STXBP4: variants seen among roughly 807,000 people sequenced by gnomAD.
STXBP4 encodes syntaxin-binding protein 4.
STXBP4 carries 55 observed loss-of-function variants against 76.1 expected under a neutral mutation model. The ratio of observed to expected loss-of-function variants is 0.72; its 90% CI spans 0.58 to 0.91. The LOEUF (loss-of-function observed/expected upper bound fraction) is 0.91, where lower values mean the gene tolerates loss of function less well. Among genes scored for constraint, STXBP4 ranks in the 40% least tolerant of loss-of-function variants. The pLI, the probability that STXBP4 is intolerant of heterozygous loss-of-function variation, is 0.00. For missense variants in STXBP4, 618 were observed against 636.9 expected (o/e 0.97, Z 0.32); for synonymous variants, 201 against 220.2 (o/e 0.91, Z 0.77).
intron 3 of STXBP4, among the ~76,000 whole-genome samples, chr17:54,987,720 G>C (rs2077646877): frequency 6.6e-6 from 1 of 152,200 alleles, no homozygotes; most frequent in South Asian, 2.1e-4. Flanking sequence ...CTTTGGGATA[G>C]ATTCCTAGAA....
At chr17:55,041,457 A>G (rs563195540) in intron 10 of STXBP4, among the ~76,000 whole-genome samples, 6 of 152,196 alleles carry the variant, frequency 3.9e-5, no homozygotes, top group East Asian at 3.9e-4. Context: ...GACTCAAGCA[A>G]TCCTCCAGCC....
In STXBP4 at chr17:55,167,880, A is replaced by G. The variant is rs567054527; in HGVS notation, c.*7969A>G. 1.3e-5 allele frequency: 2 copies of G among 152,322 alleles called. No homozygotes were observed. The highest frequency in any genetic ancestry group is 3.9e-4 in the East Asian group (2 of 5,176). The allele number at this position is 152,322 out of a possible 1,614,324, so 9.4% of individuals were successfully genotyped here. ...CACGAGAAGAGACAACAGGAAGACA[A>G]AACAAATTGAGTAGATAATAAAGTT... On this transcript the variant is annotated 3_prime_UTR_variant, in exon 18 of 18. Transcript: ENST00000376352.
At chr17:55,052,851 G>A (rs1333424465) in intron 12 of STXBP4, among the ~76,000 whole-genome samples, 2 of 142,786 alleles carry the variant, frequency 1.4e-5, no homozygotes, top group South Asian at 2.2e-4. Flanking sequence ...ATGAAGAGAT[G>A]TCAGGCAAGC....
intron 16 of STXBP4, among the ~76,000 whole-genome samples, chr17:55,114,342 T>C (rs244360): frequency 0.64 from 96,922 of 151,940 alleles, 31,785 homozygotes; most frequent in African/African-American, 0.79. Context: ...TATGCCCTCA[T>C]ATTTAAGTCA....
rs139321609 is a variant in STXBP4 at position 55,150,976 on chromosome 17, A to G, written c.1548-8821A>G. Among the ~76,000 whole-genome samples, 702 of 152,262 alleles carry G rather than the reference A, an allele frequency of 4.6e-3. 1 individual carries two copies. Among genetic ancestry groups the G allele is most frequent in the Admixed American group, 8.4e-3 (129 of 15,278 alleles). ...GTAGAAGAGGGAGGCAGAAAAAGAGAGTCAGAAAGAGATATGACAGTGGAA... is the reference window on the plus strand; with the variant it reads ...GTAGAAGAGGGAGGCAGAAAAAGAGGGTCAGAAAGAGATATGACAGTGGAA... On this transcript the variant is annotated intron_variant, in intron 17 of 17. Coordinates refer to ENST00000376352, the MANE Select transcript of STXBP4 (RefSeq NM_178509.6).
At chr17:55,129,632 T>TA (rs1411652407) in intron 16 of STXBP4, among the ~76,000 whole-genome samples, 2 of 152,106 alleles carry the variant, frequency 1.3e-5, no homozygotes, top group African/African-American at 4.8e-5. Flanking sequence ...AATCCTAAAA[T>TA]TAGTTAAGTT....
intron 17 of STXBP4, among the ~76,000 whole-genome samples, chr17:55,147,211 A>G (rs1240212764): frequency 6.6e-6 from 1 of 152,170 alleles, no homozygotes; most frequent in Non-Finnish European, 1.5e-5. Context: ...TGTAGAAGAT[A>G]ATTTTTTCAT....
At chr17:54,991,957 CA>C (rs1173463943) in intron 4 of STXBP4, 1 of 152,086 alleles carries the variant, frequency 6.6e-6, no homozygotes, top group African/African-American at 2.4e-5. Context: ...CCCACCACTG[CA>C]AACACTTGTT....
chr17:54,997,277 A>G (rs2077818767), intron 4 of STXBP4, among the ~76,000 whole-genome samples: 1 of 152,110 alleles, frequency 6.6e-6, no homozygotes, highest in Non-Finnish European at 1.5e-5. Context: ...TGCTATGAAT[A>G]CTTTTTAGAA....
At chr17:54,969,285 G>C (rs962625342) in intron 1 of STXBP4, among the ~76,000 whole-genome samples, 11 of 152,218 alleles carry the variant, frequency 7.2e-5, no homozygotes, top group African/African-American at 2.7e-4. Context: ...GGCCATTTAA[G>C]GAGAGACTGA....
the STXBP4 span, among the ~76,000 whole-genome samples, chr17:55,185,174 TTTC>T: frequency 1.4e-5 from 2 of 146,886 alleles, no homozygotes; most frequent in African/African-American, 5.0e-5. Context: ...TGGCCACTAT[TTTC>T]TTCTTCTTCT....
At chr17:55,123,462 A>G (rs1319175851) in intron 16 of STXBP4, among the ~76,000 whole-genome samples, 2 of 152,182 alleles carry the variant, frequency 1.3e-5, no homozygotes, top group Non-Finnish European at 2.9e-5. Context: ...TTCTTGTTAT[A>G]TAGGTTTCTT....
intron 12 of STXBP4, among the ~76,000 whole-genome samples, chr17:55,057,714 G>T (rs866641393): frequency 1.3e-5 from 2 of 151,852 alleles, no homozygotes; most frequent in African/African-American, 2.4e-5. Context: ...TTGCTCCACC[G>T]CCCGACAGGC....
intron 16 of STXBP4, among the ~76,000 whole-genome samples, chr17:55,086,359 A>G (rs1454164356): frequency 6.6e-6 from 1 of 152,192 alleles, no homozygotes; most frequent in Non-Finnish European, 1.5e-5. Context: ...TAACTAGCAT[A>G]TCTATCATCT....
rs2080352965 is a variant in STXBP4, at chr17:55,163,220, T to TTG, written c.*3310_*3311insGT. ...AAATGTTCCTATAGATTTTCTGGGT[T>TTG]TTTTTTTTTTTTTTGTCCTTGGAAG... is the stretch of plus-strand genomic sequence containing the variant. On this transcript the variant is annotated 3_prime_UTR_variant, in exon 18 of 18. Coordinates refer to ENST00000376352, the MANE Select transcript of STXBP4 (RefSeq NM_178509.6). 1 of 139,404 alleles carries TTG rather than the reference T, an allele frequency of 7.2e-6. No homozygotes were observed. The highest frequency in any genetic ancestry group is 1.5e-5 in the Non-Finnish European group (1 of 66,938). 8.6% of individuals were successfully genotyped at this position (139,404 alleles called of 1,614,324 possible).
At chr17:55,048,659 A>T (rs957941775) in intron 12 of STXBP4, among the ~76,000 whole-genome samples, 1 of 151,912 alleles carries the variant, frequency 6.6e-6, no homozygotes, top group African/African-American at 2.4e-5. Flanking sequence ...GAGAGTTGAT[A>T]AAACTTAGGA....
the STXBP4 span, among the ~76,000 whole-genome samples, chr17:55,199,439 G>C: frequency 6.6e-6 from 1 of 152,306 alleles, no homozygotes; most frequent in Middle Eastern, 3.4e-3. Flanking sequence ...ATGCTTTCCT[G>C]ATGAGAAGCC....
rs531940952 is a variant in STXBP4 at position 55,020,580 on chromosome 17, G to A, written c.667-10588G>A. ...CACCTGTAATCTCAGCACTTTGGGA[G>A]GCCAAGGCAGGCGGATCACTTGAGG... On this transcript the variant is annotated intron_variant, in intron 8 of 17. Transcript: ENST00000376352. Among the ~76,000 whole-genome samples, 10 of 152,252 alleles carry A rather than the reference G, an allele frequency of 6.6e-5. No homozygotes were observed. The East Asian group carries it at 1.7e-3, about 26-fold the overall frequency.
chr17:55,141,294 T>G lies in STXBP4; in HGVS notation c.1490-16T>G. On this transcript the variant is annotated splice_polypyrimidine_tract_variant and intron_variant, in intron 16 of 17. Coordinates refer to ENST00000376352, the MANE Select transcript of STXBP4 (RefSeq NM_178509.6). ...ATCATCTTATTAAATATATTTTTGG[T>G]TTCCTTTCACTGTAGGTTTACCTTA... is the stretch of plus-strand genomic sequence containing the variant. 1 of 1,605,134 alleles carries G rather than the reference T, an allele frequency of 6.2e-7. No individual in the cohort carries two copies. Among genetic ancestry groups the G allele is most frequent in the African/African-American group, 1.3e-5 (1 of 74,640 alleles).
Sources: allele counts gnomAD v4.1 joint callset (sites outside exome capture counted in the v4.1 genomes callset), GRCh38; gene constraint gnomAD v4.1.1; transcripts MANE v1.5; gene names NCBI Gene and HGNC (gene_info 2026-07-23, HGNC 2026-07-21).